Variants in SLC38A11 observed in about 807,000 individuals in gnomAD.
The protein encoded by SLC38A11 is putative sodium-coupled neutral amino acid transporter 11.
A neutral mutation model predicts 49.4 loss-of-function variants in SLC38A11; 51 were observed. The observed-to-expected ratio is 1.03, with a 90% CI of 0.83 to 1.30. The LOEUF (loss-of-function observed/expected upper bound fraction) is 1.30. Among genes scored for constraint, SLC38A11 ranks in the 50% most tolerant of loss-of-function variants. The pLI, the probability that SLC38A11 is intolerant of heterozygous loss-of-function variation, is 0.00. For missense variants in SLC38A11, 574 were observed against 556.2 expected (o/e 1.03, Z -0.32); for synonymous variants, 203 against 192.9 (o/e 1.05, Z -0.43).
chr2:164,941,018 G>T (rs905459868), intron 5 of SLC38A11, among the ~76,000 whole-genome samples: 3 of 151,870 alleles, frequency 2.0e-5, no homozygotes, highest in African/African-American at 7.3e-5. Context: ...AGTTGCTAAG[G>T]GCTAGATAAA....
chr2:164,905,604 C>A (rs1438743743), intron 11 of SLC38A11, among the ~76,000 whole-genome samples: 3 of 152,080 alleles, frequency 2.0e-5, no homozygotes, highest in African/African-American at 7.2e-5. Context: ...TTCTTACGCA[C>A]ACCAAAAGAC....
intron 7 of SLC38A11, among the ~76,000 whole-genome samples, chr2:164,921,547 T>C (rs1573930947): frequency 6.6e-6 from 1 of 151,740 alleles, no homozygotes; most frequent in Admixed American, 6.6e-5. Flanking sequence ...TCTAGGCTGG[T>C]CTTGAACCAC....
chr2:164,927,851 T>C (rs933332265), intron 7 of SLC38A11, among the ~76,000 whole-genome samples: 2 of 152,194 alleles, frequency 1.3e-5, no homozygotes, highest in East Asian at 1.9e-4. Context: ...CATAAGTTTG[T>C]TCCACAAACT....
At chr2:164,946,196 T>C (rs1347688335) in intron 3 of SLC38A11, among the ~76,000 whole-genome samples, 1 of 152,214 alleles carries the variant, frequency 6.6e-6, no homozygotes, top group Non-Finnish European at 1.5e-5. Flanking sequence ...ATTTGTTTTA[T>C]AATATAATAA....
intron 7 of SLC38A11, among the ~76,000 whole-genome samples, chr2:164,918,158 A>T (rs1210311555): frequency 6.6e-6 from 1 of 152,046 alleles, no homozygotes. Flanking sequence ...CTCAACCTGG[A>T]TGGAAACATA....
chr2:164,923,165 C>T (rs995033035), intron 7 of SLC38A11, among the ~76,000 whole-genome samples: 4 of 152,114 alleles, frequency 2.6e-5, no homozygotes, highest in East Asian at 3.8e-4. Context: ...TTGGCCTTGG[C>T]GAGGAATTTA....
chr2:164,950,378 A>AT, intron 3 of SLC38A11, among the ~76,000 whole-genome samples: 1 of 152,318 alleles, frequency 6.6e-6, no homozygotes, highest in South Asian at 2.1e-4. Context: ...AACACTGAGC[A>AT]TTTTATAAAA....
intron 6 of SLC38A11, 93 bp downstream of exon 6, chr2:164,939,357 A>T: frequency 2.7e-6 from 2 of 730,744 alleles, no homozygotes; most frequent in Non-Finnish European, 4.5e-6. Flanking sequence ...GAAACTAAAG[A>T]TGAATACCGT....
At chr2:164,906,420 C>T (rs1685010998) in intron 11 of SLC38A11, among the ~76,000 whole-genome samples, 1 of 152,154 alleles carries the variant, frequency 6.6e-6, no homozygotes, top group African/African-American at 2.4e-5. Flanking sequence ...AAGGTGCAAT[C>T]ACCCATGCAA....
At position 164,894,365 on chromosome 2, in the gene SLC38A11, A is replaced by G. The variant is rs973962051; in HGVS notation, c.*4072T>C. ...AAAAATGCCAAAGCTAAATGTATTG[A>G]TAATCTTTATTATCAATGAGCAAAC... is the stretch of plus-strand genomic sequence containing the variant. On this transcript the variant is annotated 3_prime_UTR_variant, in exon 12 of 12. Transcript: ENST00000685975. 6.6e-6 allele frequency among the ~76,000 whole-genome samples: 1 copy of G among 152,218 alleles called. No individual in the cohort carries two copies. Among genetic ancestry groups the G allele is most frequent in the African/African-American group, 2.4e-5 (1 of 41,446 alleles).
At chr2:164,938,458 T>C (rs1397601169) in intron 6 of SLC38A11, among the ~76,000 whole-genome samples, 3 of 152,168 alleles carry the variant, frequency 2.0e-5, no homozygotes, top group Admixed American at 2.0e-4. Flanking sequence ...TGACAGAATG[T>C]TAATAGCCTT....
intron 7 of SLC38A11, among the ~76,000 whole-genome samples, chr2:164,925,258 G>A (rs1246200467): frequency 1.3e-5 from 2 of 152,182 alleles, no homozygotes; most frequent in Non-Finnish European, 2.9e-5. Flanking sequence ...AAAGGGCAGA[G>A]TATAGGTGGG....
chr2:164,944,139 A>G (rs1687957469), intron 5 of SLC38A11, among the ~76,000 whole-genome samples: 1 of 152,196 alleles, frequency 6.6e-6, no homozygotes, highest in African/African-American at 2.4e-5. Context: ...TATAGGCGTG[A>G]GCCACCATGC....
At chr2:164,920,651 G>A (rs1277754654) in intron 7 of SLC38A11, among the ~76,000 whole-genome samples, 1 of 151,948 alleles carries the variant, frequency 6.6e-6, no homozygotes, top group Non-Finnish European at 1.5e-5. Flanking sequence ...AGAAAGAGGT[G>A]ATTCACTTTA....
At chr2:164,908,068 A>G (rs1685142430) in intron 11 of SLC38A11, 2 of 152,226 alleles carry the variant, frequency 1.3e-5, no homozygotes, top group South Asian at 4.1e-4. Flanking sequence ...GGTTGATGGC[A>G]GTGCAGACTA....
At chr2:164,941,490 G>A (rs1237009022) in intron 5 of SLC38A11, among the ~76,000 whole-genome samples, 1 of 152,058 alleles carries the variant, frequency 6.6e-6, no homozygotes, top group East Asian at 1.9e-4. Flanking sequence ...ATTATAAACT[G>A]TCACACCCCA....
chr2:164,900,429 G>A (rs1281478773), intron 11 of SLC38A11, among the ~76,000 whole-genome samples: 1 of 151,986 alleles, frequency 6.6e-6, no homozygotes, highest in Non-Finnish European at 1.5e-5. Flanking sequence ...AATGTACTAG[G>A]GTTCCCTTTT....
chr2:164,911,613 C>T lies in SLC38A11; in HGVS notation c.963+23G>A, dbSNP rs528346063. On this transcript the variant is annotated intron_variant, in intron 10 of 11. Transcript: ENST00000685975. ...TGGCAGAGAGATCACCTGGGTAAAG[C>T]GTTGGGAAGGAACCGCGCTTACCTC... 41 of 1,257,044 alleles carry T rather than the reference C, an allele frequency of 3.3e-5. 1 individual carries two copies. The South Asian group carries it at 5.0e-4, about 15-fold the overall frequency. 77.9% of individuals were successfully genotyped at this position (1,257,044 alleles called of 1,614,324 possible).
chr2:164,954,808 A>G, intron 1 of SLC38A11, 63 bp from the exon 2 acceptor site: 2 of 765,570 alleles, frequency 2.6e-6, no homozygotes, highest in Non-Finnish European at 4.2e-6. Context: ...AGTAACAAAT[A>G]TGTAATGCAG....
Sources: gnomAD v4.1 joint callset for allele counts (sites outside exome capture counted in the v4.1 genomes callset) on GRCh38, gnomAD v4.1.1 for gene constraint, MANE v1.5 for transcripts, NCBI Gene and HGNC (gene_info 2026-07-23, HGNC 2026-07-21) for gene names.